The following ZBBX variants were observed in gnomAD, a reference collection of about 807,000 sequenced individuals.
ZBBX encodes the protein zinc finger B-box domain-containing protein 1.
ZBBX carries 101 observed loss-of-function variants against 108.5 expected under a neutral mutation model. The observed-to-expected ratio is 0.93, with a 90% CI of 0.79 to 1.10. The LOEUF (loss-of-function observed/expected upper bound fraction) is 1.10. Ranked by LOEUF, ZBBX falls within the 50% of genes least tolerant of loss-of-function variation. The probability of loss-of-function intolerance (pLI) is 0.00; values close to 1 mark genes in which losing one functional copy is unlikely to be tolerated. For missense variants in ZBBX, 1,009 were observed against 941.4 expected, an observed-to-expected ratio of 1.07 and a Z score of -0.94; for synonymous variants, 356 against 323.4, an observed-to-expected ratio of 1.10 and a Z score of -1.08.
At chr3:167,303,587 A>G (rs1259147741) in intron 17 of ZBBX, among the ~76,000 whole-genome samples, 1 of 152,134 alleles carries the variant, frequency 6.6e-6, no homozygotes, top group Non-Finnish European at 1.5e-5. Flanking sequence ...TAACTAAATT[A>G]CCTGAATTTT....
intron 10 of ZBBX, among the ~76,000 whole-genome samples, chr3:167,330,840 GGAA>G (rs1273607235): frequency 1.7e-5 from 2 of 117,652 alleles, no homozygotes; most frequent in East Asian, 2.5e-4. Flanking sequence ...AAGTAGAAGA[GGAA>G]GAGGAGGAGG....
At chr3:167,323,247 GGGGA>G (rs1736782001) in intron 11 of ZBBX, among the ~76,000 whole-genome samples, 2 of 147,994 alleles carry the variant, frequency 1.4e-5, no homozygotes, top group Non-Finnish European at 3.0e-5. Context: ...GAGGGGGGGG[GGGGA>G]AAGAACTCTT....
At chr3:167,276,191 C>G (rs1483808640) in intron 20 of ZBBX, among the ~76,000 whole-genome samples, 5 of 152,126 alleles carry the variant, frequency 3.3e-5, no homozygotes, top group Non-Finnish European at 5.9e-5. Flanking sequence ...TGCCTCTCCT[C>G]CTCCAAAGGA....
At chr3:167,190,457 T>C in the ZBBX span, among the ~76,000 whole-genome samples, 2 of 149,340 alleles carry the variant, frequency 1.3e-5, no homozygotes, top group African/African-American at 4.9e-5. Flanking sequence ...CTCGGCTCAC[T>C]GCAAGCTCCG....
At chr3:167,233,207 C>T in the ZBBX span, among the ~76,000 whole-genome samples, 1 of 151,822 alleles carries the variant, frequency 6.6e-6, no homozygotes, top group Non-Finnish European at 1.5e-5. Flanking sequence ...TCCCCTTTCC[C>T]TCACCATGGC....
chr3:167,397,072 A>G (rs763772648), intron 1 of ZBBX, among the ~76,000 whole-genome samples: 7 of 149,048 alleles, frequency 4.7e-5, no homozygotes, highest in Non-Finnish European at 7.4e-5. Context: ...TAATTTATAA[A>G]CATAAAGCAT....
intron 8 of ZBBX, among the ~76,000 whole-genome samples, chr3:167,358,935 C>CA (rs59753251): frequency 0.013 from 857 of 66,232 alleles, 49 homozygotes; most frequent in Non-Finnish European, 0.018. Context: ...GACTCCATCT[C>CA]AAAAAAAAAA....
the ZBBX span, among the ~76,000 whole-genome samples, chr3:167,223,409 T>C: frequency 6.6e-6 from 1 of 151,964 alleles, no homozygotes. Flanking sequence ...TAGACTTTTG[T>C]TGGGATAGAT....
chr3:167,399,702 C>T (rs1391413541), intron 1 of ZBBX: 1 of 152,124 alleles, frequency 6.6e-6, no homozygotes, highest in African/African-American at 2.4e-5. Context: ...ACAGAATTTA[C>T]ACCATTTTTT....
chr3:167,399,894 A>G (rs1296444535), intron 1 of ZBBX, among the ~76,000 whole-genome samples: 2 of 151,922 alleles, frequency 1.3e-5, no homozygotes, highest in African/African-American at 4.8e-5. Flanking sequence ...CTCAGCATCT[A>G]CTGTTCCTGT....
chr3:167,375,858 A>C (rs899062056), intron 2 of ZBBX, among the ~76,000 whole-genome samples: 2 of 152,224 alleles, frequency 1.3e-5, no homozygotes. Context: ...ACTACATTTT[A>C]AATAAGGTAG....
the ZBBX span, among the ~76,000 whole-genome samples, chr3:167,201,271 G>T: frequency 6.6e-6 from 1 of 152,112 alleles, no homozygotes; most frequent in Non-Finnish European, 1.5e-5. Flanking sequence ...TTAGGTAGGA[G>T]TAGATTGAGA....
rs74318897 is a variant in ZBBX, at chr3:167,353,570, A to G, written c.433-3055T>C. Among the ~76,000 whole-genome samples the G allele has an allele frequency of 6.2e-3, 949 of 152,160 alleles. 14 individuals are homozygous for G. The highest frequency in any genetic ancestry group is 0.021 in the African/African-American group (860 of 41,556). The stretch of plus-strand genomic sequence containing the variant: ...TGGCTATGATGTTCCCATTCAGATG[A>G]TGGGTACTAAAAGCCCAGACTTCAT... On this transcript the variant is annotated intron_variant, in intron 8 of 21. Transcript: ENST00000675490.
chr3:167,404,923 G>A (rs770041821), intron 1 of ZBBX, among the ~76,000 whole-genome samples: 25 of 152,130 alleles, frequency 1.6e-4, no homozygotes, highest in Non-Finnish European at 3.1e-4. Flanking sequence ...TGGTCGGGGG[G>A]AGTAGAATGA....
chr3:167,356,580 A>G (rs1022071152), intron 8 of ZBBX, among the ~76,000 whole-genome samples: 1 of 152,154 alleles, frequency 6.6e-6, no homozygotes, highest in Non-Finnish European at 1.5e-5. Flanking sequence ...ATTGCAAATG[A>G]TGCTGCAGTA....
chr3:167,221,093 T>C, the ZBBX span, among the ~76,000 whole-genome samples: 1 of 151,952 alleles, frequency 6.6e-6, no homozygotes, highest in Non-Finnish European at 1.5e-5. Context: ...TATTTTATGT[T>C]CATGGATTAA....
rs779488368 is a variant in ZBBX at position 167,313,990 on chromosome 3, A to G, written c.1401T>C (p.Tyr467=). The G allele has an allele frequency of 3.8e-6, 6 of 1,590,394 alleles. No homozygotes were observed. The Admixed American group carries it at 1.1e-4, about 29-fold the overall frequency. The change falls in exon 16 of 22, where the codon TAT becomes TAC. Residue 467 remains tyrosine (Y), a synonymous_variant. Coordinates refer to ENST00000675490, the MANE Select transcript of ZBBX (RefSeq NM_001199201.2). ...NLCLRNSSTY[Y]KDNSKAETSN... Reference sequence around the variant, plus strand: ...AAATGTTACCTTTTGAATTATCTTTATAATAAGTAGAGCTGTTTCTCAGAC... The same window carrying G: ...AAATGTTACCTTTTGAATTATCTTTGTAATAAGTAGAGCTGTTTCTCAGAC...
In ZBBX at chr3:167,288,925, G is replaced by A; in HGVS notation, c.1938C>T (p.Val646=). Residue 646 remains valine (V), a synonymous_variant, in exon 19 of 22, where the codon GTC becomes GTT. Coordinates refer to ENST00000675490, the MANE Select transcript of ZBBX (RefSeq NM_001199201.2). ...SLSEYADNAI[V]LGVLQGAQSP... Reference sequence around the variant, plus strand: ...TCTGAGCACCCTGCAGAACACCCAAGACAATTGCATTATCAGCATATTCAC... The same window carrying A: ...TCTGAGCACCCTGCAGAACACCCAAAACAATTGCATTATCAGCATATTCAC... The A allele has an allele frequency of 6.5e-7, 1 of 1,544,998 alleles. No homozygotes were observed. Among genetic ancestry groups the A allele is most frequent in the Non-Finnish European group, 8.7e-7 (1 of 1,143,130 alleles).
the ZBBX span, among the ~76,000 whole-genome samples, chr3:167,200,058 A>C: frequency 2.6e-5 from 4 of 152,146 alleles, no homozygotes; most frequent in Non-Finnish European, 5.9e-5. Context: ...CTCTGTCTTC[A>C]TATGGCTCTG....
Sources: allele counts gnomAD v4.1 joint callset (sites outside exome capture counted in the v4.1 genomes callset), GRCh38; gene constraint gnomAD v4.1.1; transcripts MANE v1.5; gene names NCBI Gene and HGNC (gene_info 2026-07-23, HGNC 2026-07-21).